WBP1L: variants seen among roughly 807,000 people sequenced by gnomAD.
WBP1L encodes the protein WW domain binding protein 1 like, also known as WW domain binding protein 1-like.
In WBP1L, 17 loss-of-function variants were observed where a neutral mutation model predicts 33.7. That is an observed-to-expected ratio of 0.50 (90% CI 0.34 to 0.76). The LOEUF is 0.76. Ranked by LOEUF, WBP1L falls within the 30% of genes least tolerant of loss-of-function variation. The probability of loss-of-function intolerance (pLI) is 0.01; values close to 1 mark genes in which losing one functional copy is unlikely to be tolerated. For missense variants in WBP1L, 389 were observed against 469.4 expected (o/e 0.83, Z 1.58); for synonymous variants, 173 against 190.8 (o/e 0.91, Z 0.77).
At chr10:102,791,666 C>G (rs1369382534) in intron 1 of WBP1L, among the ~76,000 whole-genome samples, 2 of 152,170 alleles carry the variant, frequency 1.3e-5, no homozygotes, top group Non-Finnish European at 2.9e-5. Context: ...TTAGTTCTTC[C>G]TGCAGGGAAA....
intron 1 of WBP1L, among the ~76,000 whole-genome samples, chr10:102,767,470 TATG>T (rs1011501533): frequency 2.0e-5 from 3 of 152,086 alleles, no homozygotes; most frequent in African/African-American, 7.2e-5. Flanking sequence ...TGCAGTGTAT[TATG>T]ATGGCCCCTG....
rs954451871 is a variant in WBP1L at position 102,815,712 on chromosome 10, A to C, written c.*2381A>C. 2 of 152,180 alleles carry C rather than the reference A, an allele frequency of 1.3e-5. No individual in the cohort carries two copies. The highest frequency in any genetic ancestry group is 2.4e-5 in the African/African-American group (1 of 41,434). 9.4% of individuals were successfully genotyped at this position (152,180 alleles called of 1,614,324 possible). On this transcript the variant is annotated 3_prime_UTR_variant, in exon 4 of 4. Transcript: ENST00000448841. The stretch of plus-strand genomic sequence containing the variant: ...CACTGAAGTGTCTCAAAGGCGAACA[A>C]GTTTTACCAAAATGAATCCTTTTTC...
chr10:102,814,997 C>T lies in WBP1L; in HGVS notation c.*1666C>T, dbSNP rs772655509. On this transcript the variant is annotated 3_prime_UTR_variant, in exon 4 of 4. Coordinates refer to ENST00000448841, the MANE Select transcript of WBP1L (RefSeq NM_001083913.2). ...TGTTGAACAAAGTTAAGTCCGTACA[C>T]AGTGACTTTTTGGGTGAGCCGTGTG... 6.6e-6 allele frequency: 1 copy of T among 152,576 alleles called. No individual in the cohort carries two copies. Among genetic ancestry groups the T allele is most frequent in the African/African-American group, 2.4e-5 (1 of 41,424 alleles). The allele number at this position is 152,576 out of a possible 1,614,324, so 9.5% of individuals were successfully genotyped here. A position where few individuals can be genotyped will look rare whatever the true frequency, so the allele number is the denominator to read the frequency against.
At chr10:102,767,243 A>C (rs1214220603) in intron 1 of WBP1L, among the ~76,000 whole-genome samples, 1 of 152,210 alleles carries the variant, frequency 6.6e-6, no homozygotes, top group Non-Finnish European at 1.5e-5. Flanking sequence ...GAAAGTAATA[A>C]ATATTTCTGC....
chr10:102,755,271 G>A (rs1371221972), intron 1 of WBP1L, among the ~76,000 whole-genome samples: 1 of 151,608 alleles, frequency 6.6e-6, no homozygotes, highest in African/African-American at 2.4e-5. Flanking sequence ...GTAGAGGTAG[G>A]GTCTTGCTAT....
chr10:102,772,418 G>A (rs1180026923), intron 1 of WBP1L, among the ~76,000 whole-genome samples: 3 of 151,320 alleles, frequency 2.0e-5, no homozygotes, highest in Non-Finnish European at 4.4e-5. Flanking sequence ...GTGTCACCAT[G>A]CTTAGCTAAT....
chr10:102,763,661 C>T (rs1448404179), intron 1 of WBP1L, among the ~76,000 whole-genome samples: 2 of 152,156 alleles, frequency 1.3e-5, no homozygotes, highest in Non-Finnish European at 2.9e-5. Flanking sequence ...TTAGTCCAAT[C>T]CAAGGTCACT....
At chr10:102,764,670 T>C (rs899278985) in intron 1 of WBP1L, among the ~76,000 whole-genome samples, 1 of 152,178 alleles carries the variant, frequency 6.6e-6, no homozygotes, top group Non-Finnish European at 1.5e-5. Flanking sequence ...CTACAACTTA[T>C]TGGAGGGATA....
chr10:102,757,446 A>G (rs1026833860), intron 1 of WBP1L, among the ~76,000 whole-genome samples: 5 of 152,144 alleles, frequency 3.3e-5, no homozygotes, highest in African/African-American at 1.2e-4. Context: ...CCACAGGGCT[A>G]GACCACATGT....
At chr10:102,776,334 A>G in intron 1 of WBP1L, 1 of 1,613,836 alleles carries the variant, frequency 6.2e-7, no homozygotes, top group Non-Finnish European at 8.5e-7. Context: ...TCATTCCAAG[A>G]CCTTAACTTT....
At chr10:102,762,124 A>G (rs1298137514) in intron 1 of WBP1L, among the ~76,000 whole-genome samples, 1 of 152,148 alleles carries the variant, frequency 6.6e-6, no homozygotes, top group East Asian at 1.9e-4. Flanking sequence ...AAGTGCTAAG[A>G]TTACAGACAG....
intron 2 of WBP1L, among the ~76,000 whole-genome samples, chr10:102,806,468 G>C (rs1452849750): frequency 6.6e-6 from 1 of 152,088 alleles, no homozygotes; most frequent in Non-Finnish European, 1.5e-5. Flanking sequence ...CTCCTTTCCA[G>C]CCTCTCCACC....
intron 1 of WBP1L, among the ~76,000 whole-genome samples, chr10:102,748,045 A>G (rs1842885142): frequency 6.6e-6 from 1 of 151,940 alleles, no homozygotes; most frequent in Non-Finnish European, 1.5e-5. Context: ...TCACGAGATC[A>G]GGAGATTGAG....
intron 1 of WBP1L, among the ~76,000 whole-genome samples, chr10:102,765,141 C>T (rs1168474345): frequency 6.6e-6 from 1 of 152,212 alleles, no homozygotes; most frequent in Admixed American, 6.5e-5. Context: ...CATGCAGGTG[C>T]TCTTCTGACC....
At position 102,800,023 on chromosome 10, in the gene WBP1L, C is replaced by T. The variant is rs17115027; in HGVS notation, c.193+1928C>T. ...GAGAGCACAAGGCTCAAGATGTCCCCACCAGACCTGCAGATATATAAGCAG... is the reference window on the plus strand; with the variant it reads ...GAGAGCACAAGGCTCAAGATGTCCCTACCAGACCTGCAGATATATAAGCAG... On this transcript the variant is annotated intron_variant, in intron 2 of 3. Coordinates refer to ENST00000448841, the MANE Select transcript of WBP1L (RefSeq NM_001083913.2). 7.9e-3 allele frequency among the ~76,000 whole-genome samples: 1,197 copies of T among 152,264 alleles called. 11 individuals carry two copies. Among genetic ancestry groups the T allele is most frequent in the African/African-American group, 0.028 (1,147 of 41,534 alleles).
intron 1 of WBP1L, among the ~76,000 whole-genome samples, chr10:102,764,222 T>G (rs1193898630): frequency 6.6e-6 from 1 of 152,184 alleles, no homozygotes; most frequent in African/African-American, 2.4e-5. Flanking sequence ...CCACCTTTTC[T>G]GCAATTTTGA....
At chr10:102,789,658 CA>C (rs369411194) in intron 1 of WBP1L, among the ~76,000 whole-genome samples, 97 of 152,018 alleles carry the variant, frequency 6.4e-4, no homozygotes, top group African/African-American at 2.2e-3. Flanking sequence ...CCAACTGGAA[CA>C]TATTTAAAAA....
At chr10:102,774,463 C>G (rs1213829366) in intron 1 of WBP1L, among the ~76,000 whole-genome samples, 1 of 152,134 alleles carries the variant, frequency 6.6e-6, no homozygotes, top group Non-Finnish European at 1.5e-5. Flanking sequence ...CAGTGAGTCT[C>G]AAGGAAATGG....
At position 102,779,596 on chromosome 10, in the gene WBP1L, C is replaced by T. The variant is rs183774442; in HGVS notation, c.91-18397C>T. ...GGATTATAGACATGAGCCACCAGGC[C>T]CGGCCAAAAAAAATGTAGATTCTTT... On this transcript the variant is annotated intron_variant, in intron 1 of 3. Coordinates refer to ENST00000448841, the MANE Select transcript of WBP1L (RefSeq NM_001083913.2). 1.6e-4 allele frequency among the ~76,000 whole-genome samples: 24 copies of T among 152,194 alleles called. No individual in the cohort carries two copies. The East Asian group carries it at 4.5e-3, about 28-fold the overall frequency.
Sources: allele counts gnomAD v4.1 joint callset (sites outside exome capture counted in the v4.1 genomes callset), GRCh38; gene constraint gnomAD v4.1.1; transcripts MANE v1.5; gene names NCBI Gene and HGNC (gene_info 2026-07-23, HGNC 2026-07-21).